The following SEMA3A variants were observed in gnomAD, a reference collection of about 807,000 sequenced individuals.
SEMA3A encodes the protein semaphorin 3A.
SEMA3A carries 29 observed loss-of-function variants against 97.9 expected under a neutral mutation model. The observed-to-expected ratio is 0.30, with a 90% confidence interval of 0.22 to 0.40. The LOEUF is 0.40. SEMA3A is among the 10% of genes least tolerant of loss of function. The pLI, the probability that SEMA3A is intolerant of heterozygous loss-of-function variation, is 1.00. For missense variants in SEMA3A, 763 were observed against 951.3 expected, an observed-to-expected ratio of 0.80 and a Z score of 2.60; for synonymous variants, 321 against 323.7, an observed-to-expected ratio of 0.99 and a Z score of 0.09.
intron 4 of SEMA3A, among the ~76,000 whole-genome samples, chr7:84,076,138 A>G (rs561375936): frequency 4.6e-5 from 7 of 152,156 alleles, no homozygotes; most frequent in South Asian, 4.1e-4. Flanking sequence ...CCACAGATAC[A>G]CTTATGGGAC....
At chr7:84,418,365 G>A (rs1273696609) in intron 1 of SEMA3A, among the ~76,000 whole-genome samples, 1 of 151,996 alleles carries the variant, frequency 6.6e-6, no homozygotes, top group Non-Finnish European at 1.5e-5. Flanking sequence ...GATCTCATGA[G>A]ACTTATTCAC....
chr7:84,110,403 T>G, intron 4 of SEMA3A, 67 bp downstream of exon 4: 1 of 1,564,660 alleles, frequency 6.4e-7, no homozygotes. Flanking sequence ...CTGAAGAAAT[T>G]AGTAATGAAG....
At chr7:84,045,501 T>C (rs370664426) in intron 6 of SEMA3A, among the ~76,000 whole-genome samples, 29 of 151,498 alleles carry the variant, frequency 1.9e-4, no homozygotes, top group African/African-American at 7.0e-4. Flanking sequence ...TTTTGGTAAA[T>C]GTGTAAATAA....
At chr7:84,266,313 C>CA (rs57809084) in intron 3 of SEMA3A, among the ~76,000 whole-genome samples, 1,515 of 70,156 alleles carry the variant, frequency 0.022, 34 homozygotes, top group Non-Finnish European at 0.024. Flanking sequence ...GATTTGGTCT[C>CA]AAAAAAAAAA....
At chr7:84,340,928 T>C (rs1802151688) in intron 2 of SEMA3A, among the ~76,000 whole-genome samples, 1 of 152,160 alleles carries the variant, frequency 6.6e-6, no homozygotes, top group African/African-American at 2.4e-5. Flanking sequence ...CATTTCTCAC[T>C]GAAAATATAA....
At chr7:84,393,027 A>G (rs533578544) in intron 1 of SEMA3A, among the ~76,000 whole-genome samples, 22 of 152,184 alleles carry the variant, frequency 1.4e-4, no homozygotes, top group African/African-American at 5.3e-4. Flanking sequence ...TTCCTTTGCT[A>G]TGCAGAATCA....
chr7:84,400,111 G>T (rs932977734), intron 1 of SEMA3A, among the ~76,000 whole-genome samples: 4 of 152,154 alleles, frequency 2.6e-5, no homozygotes, highest in African/African-American at 7.2e-5. Flanking sequence ...AGTGACCACA[G>T]GCTAACGGAA....
At chr7:83,997,712 T>C (rs1165039833) in intron 12 of SEMA3A, among the ~76,000 whole-genome samples, 42 of 152,158 alleles carry the variant, frequency 2.8e-4, no homozygotes, top group Admixed American at 2.8e-3. Context: ...TTAATTTACA[T>C]TTAATTGTTA....
intron 3 of SEMA3A, among the ~76,000 whole-genome samples, chr7:84,306,102 A>G (rs990481527): frequency 3.9e-5 from 6 of 151,968 alleles, no homozygotes; most frequent in African/African-American, 1.4e-4. Flanking sequence ...TACCAATTCA[A>G]TATGAACTCT....
chr7:84,310,343 C>T (rs1801281904), intron 2 of SEMA3A, among the ~76,000 whole-genome samples: 1 of 150,554 alleles, frequency 6.6e-6, no homozygotes, highest in African/African-American at 2.4e-5. Flanking sequence ...CCGGCAGATA[C>T]AAAATAACTG....
intron 4 of SEMA3A, among the ~76,000 whole-genome samples, chr7:84,099,274 G>C (rs1220629992): frequency 1.7e-5 from 1 of 59,272 alleles, no homozygotes; most frequent in African/African-American, 3.5e-5. Flanking sequence ...GTTTCACCGT[G>C]TTAGCCAGGA....
intron 1 of SEMA3A, among the ~76,000 whole-genome samples, chr7:84,186,464 G>A (rs778774233): frequency 1.3e-5 from 2 of 152,134 alleles, no homozygotes; most frequent in Non-Finnish European, 2.9e-5. Context: ...CAACGGAACA[G>A]CATTTATTCT....
At chr7:84,312,913 TATATATATAC>T (rs1423530753) in intron 2 of SEMA3A, among the ~76,000 whole-genome samples, 1,420 of 49,656 alleles carry the variant, frequency 0.029, 44 homozygotes, top group Non-Finnish European at 0.048. Flanking sequence ...TATATATATA[TATATATATAC>T]ACACACACAC....
At chr7:84,195,968 T>G (rs917107085), upstream of SEMA3A, among the ~76,000 whole-genome samples, 8 of 152,212 alleles carry the variant, frequency 5.3e-5, no homozygotes, top group African/African-American at 1.9e-4. Flanking sequence ...AGTAGTTGGC[T>G]GTGGCCTCTC....
chr7:84,104,642 A>AT, intron 4 of SEMA3A, among the ~76,000 whole-genome samples: 1 of 152,118 alleles, frequency 6.6e-6, no homozygotes, highest in African/African-American at 2.4e-5. Flanking sequence ...GCATTTTGAA[A>AT]TTTTTTTATT....
chr7:84,091,336 A>AAG (rs142641762), intron 4 of SEMA3A, among the ~76,000 whole-genome samples: 55,787 of 142,836 alleles, frequency 0.39, 13,213 homozygotes, highest in Non-Finnish European at 0.51. Context: ...GAGAGAGAGA[A>AAG]AGAGGAGGGA....
At chr7:84,334,222 T>A (rs1801978205) in intron 2 of SEMA3A, among the ~76,000 whole-genome samples, 1 of 152,080 alleles carries the variant, frequency 6.6e-6, no homozygotes, top group Admixed American at 6.6e-5. Flanking sequence ...TTTATATATT[T>A]GCTATTCTAC....
chr7:84,258,962 T>A (rs1799781164), intron 3 of SEMA3A, among the ~76,000 whole-genome samples: 1 of 152,128 alleles, frequency 6.6e-6, no homozygotes, highest in Admixed American at 6.5e-5. Flanking sequence ...ATATTTCCCT[T>A]GTTTCACAAA....
At chr7:84,013,641 G>A (rs1790976222) in intron 7 of SEMA3A, among the ~76,000 whole-genome samples, 1 of 152,118 alleles carries the variant, frequency 6.6e-6, no homozygotes, top group South Asian at 2.1e-4. Flanking sequence ...GAGATCAGGA[G>A]TTCAAGACCA....
Sources: allele counts gnomAD v4.1 joint callset (sites outside exome capture counted in the v4.1 genomes callset), GRCh38; gene constraint gnomAD v4.1.1; transcripts MANE v1.5; gene names NCBI Gene and HGNC (gene_info 2026-07-23, HGNC 2026-07-21).